Variants in PDZD2 observed in about 807,000 individuals in gnomAD.
The protein encoded by PDZD2 is PDZ domain containing 2.
Under a neutral mutation model 220.7 loss-of-function variants are expected in PDZD2, and 90 were observed. That is an observed-to-expected ratio of 0.41 (90% CI 0.34 to 0.49). The LOEUF (loss-of-function observed/expected upper bound fraction) is 0.49. Ranked by LOEUF, PDZD2 falls within the 20% of genes least tolerant of loss-of-function variation. PDZD2 has a pLI of 0.28. For synonymous variants in PDZD2, 1,375 were observed against 1,450.5 expected (o/e 0.95, Z 1.18); for missense variants, 3,174 against 3,608.5 (o/e 0.88, Z 3.08).
chr5:31,761,453 A>G (rs1751649825), intron 1 of PDZD2, among the ~76,000 whole-genome samples: 1 of 14,856 alleles, frequency 6.7e-5, no homozygotes, highest in Non-Finnish European at 1.1e-4. Flanking sequence ...GACACTAAGA[A>G]ATTTGAATAA....
intron 1 of PDZD2, among the ~76,000 whole-genome samples, chr5:31,695,756 G>T (rs1747352692): frequency 6.6e-6 from 1 of 152,088 alleles, no homozygotes; most frequent in Admixed American, 6.6e-5. Context: ...AGATCTGATT[G>T]GGTCTCCTTG....
chr5:32,038,646 A>T (rs572924563), intron 7 of PDZD2, among the ~76,000 whole-genome samples: 2 of 152,294 alleles, frequency 1.3e-5, no homozygotes, highest in South Asian at 4.1e-4. Context: ...TTAAAAGGAA[A>T]CACTTTTATG....
intron 1 of PDZD2, among the ~76,000 whole-genome samples, chr5:31,698,324 G>A (rs1284406625): frequency 1.2e-4 from 18 of 150,018 alleles, no homozygotes; most frequent in Middle Eastern, 3.5e-3. Flanking sequence ...GGCCGGGTGC[G>A]GTGGCTCACG....
chr5:31,967,583 C>T (rs1323858706), intron 2 of PDZD2, among the ~76,000 whole-genome samples: 2 of 152,164 alleles, frequency 1.3e-5, no homozygotes, highest in Non-Finnish European at 2.9e-5. Context: ...GAAGATACAT[C>T]AGACATAATC....
At chr5:31,767,124 T>C (rs1328441883) in intron 1 of PDZD2, among the ~76,000 whole-genome samples, 5 of 150,068 alleles carry the variant, frequency 3.3e-5, no homozygotes, top group Admixed American at 2.7e-4. Flanking sequence ...CTCTGCCCTC[T>C]GGGTTCAAGC....
chr5:31,923,415 A>G, intron 2 of PDZD2: 2 of 1,252,830 alleles, frequency 1.6e-6, no homozygotes, highest in Non-Finnish European at 2.3e-6. Context: ...GCAGCTCTTC[A>G]ACGGGGGCCA....
intron 14 of PDZD2, among the ~76,000 whole-genome samples, chr5:32,064,242 T>C (rs1314041195): frequency 6.6e-6 from 1 of 152,030 alleles, no homozygotes; most frequent in Non-Finnish European, 1.5e-5. Flanking sequence ...AATTCACTTT[T>C]TTTTTTTTCT....
intron 1 of PDZD2, among the ~76,000 whole-genome samples, chr5:31,765,099 C>T (rs548877330): frequency 1.3e-5 from 2 of 152,062 alleles, no homozygotes; most frequent in South Asian, 4.2e-4. Context: ...AAAAGAATTA[C>T]CCAAAGGAAG....
intron 2 of PDZD2, among the ~76,000 whole-genome samples, chr5:31,948,655 A>C (rs1003365047): frequency 6.6e-6 from 1 of 152,198 alleles, no homozygotes; most frequent in Non-Finnish European, 1.5e-5. Flanking sequence ...AATACGAGAA[A>C]TTCTAATAAA....
intron 1 of PDZD2, among the ~76,000 whole-genome samples, chr5:31,757,215 G>A (rs1214602296): frequency 6.6e-6 from 1 of 152,136 alleles, no homozygotes; most frequent in Non-Finnish European, 1.5e-5. Flanking sequence ...GAGCCCAGGA[G>A]CTCCAGGCTG....
chr5:31,772,051 A>C (rs75999073), intron 1 of PDZD2, among the ~76,000 whole-genome samples: 11,893 of 152,260 alleles, frequency 0.078, 625 homozygotes, highest in Middle Eastern at 0.13. Context: ...ATTGGGCATG[A>C]TGGATATAGT....
At chr5:31,860,279 G>A (rs1737569032) in intron 2 of PDZD2, among the ~76,000 whole-genome samples, 1 of 152,098 alleles carries the variant, frequency 6.6e-6, no homozygotes. Context: ...CTAGGGCCAA[G>A]GTGATTTAGG....
intron 1 of PDZD2, among the ~76,000 whole-genome samples, chr5:31,675,228 C>G (rs777641756): frequency 2.0e-5 from 3 of 152,202 alleles, no homozygotes; most frequent in Non-Finnish European, 4.4e-5. Context: ...TTGTGCAGCT[C>G]TTTGCGTCAG....
intron 1 of PDZD2, among the ~76,000 whole-genome samples, chr5:31,689,354 T>TATATATATATATATATATATA (rs1554063278): frequency 1.8e-4 from 5 of 27,208 alleles, no homozygotes; most frequent in African/African-American, 7.9e-4. Flanking sequence ...TATATATATA[T>TATATATATATATATATATATA]TTTTTTTTTT....
At chr5:31,915,702 C>T (rs1171941963) in intron 2 of PDZD2, among the ~76,000 whole-genome samples, 1 of 151,970 alleles carries the variant, frequency 6.6e-6, no homozygotes, top group Non-Finnish European at 1.5e-5. Flanking sequence ...CTTAACTCTT[C>T]GTAGAGACAA....
intron 10 of PDZD2, among the ~76,000 whole-genome samples, chr5:32,057,166 G>T (rs1239774766): frequency 6.6e-6 from 1 of 152,092 alleles, no homozygotes; most frequent in Non-Finnish European, 1.5e-5. Flanking sequence ...TAATATTTTA[G>T]CAAGTTTTTG....
chr5:31,841,396 C>A (rs1225799791), intron 2 of PDZD2, among the ~76,000 whole-genome samples: 1 of 152,178 alleles, frequency 6.6e-6, no homozygotes, highest in Admixed American at 6.5e-5. Context: ...AATACTCAGC[C>A]AGGCATGGTG....
At chr5:32,013,049 G>T (rs2112095247) in intron 6 of PDZD2, among the ~76,000 whole-genome samples, 1 of 152,154 alleles carries the variant, frequency 6.6e-6, no homozygotes, top group South Asian at 2.1e-4. Context: ...ACATTTTGCT[G>T]TGGCTTTCTA....
At chr5:32,016,158 A>G (rs1294144353) in intron 6 of PDZD2, among the ~76,000 whole-genome samples, 1 of 152,192 alleles carries the variant, frequency 6.6e-6, no homozygotes, top group Non-Finnish European at 1.5e-5. Flanking sequence ...TGCCAGGGGT[A>G]TGGGAGCCTG....
Sources: gnomAD v4.1 joint callset for allele counts (sites outside exome capture counted in the v4.1 genomes callset) on GRCh38, gnomAD v4.1.1 for gene constraint, MANE v1.5 for transcripts, NCBI Gene and HGNC (gene_info 2026-07-23, HGNC 2026-07-21) for gene names.